UPK3A: variants seen among roughly 807,000 people sequenced by gnomAD.
The protein encoded by UPK3A is uroplakin 3A.
A neutral mutation model predicts 27.6 loss-of-function variants in UPK3A; 32 were observed. The observed-to-expected ratio is 1.16, with a 90% CI of 0.87 to 1.55. The LOEUF (loss-of-function observed/expected upper bound fraction) is 1.55. Ranked by LOEUF, UPK3A falls within the 40% of genes most tolerant of loss-of-function variation. UPK3A has a pLI of 0.00. For missense variants in UPK3A, 370 were observed against 367.9 expected (o/e 1.01, Z -0.05); for synonymous variants, 171 against 163.9 (o/e 1.04, Z -0.33).
chr22:45,290,108 G>A (rs961252680), intron 4 of UPK3A, among the ~76,000 whole-genome samples: 8 of 152,218 alleles, frequency 5.3e-5, no homozygotes, highest in African/African-American at 1.7e-4. Context: ...GCACCTGGGC[G>A]GCTTTCCTGA....
chr22:45,294,130 A>C (rs1469046182), intron 5 of UPK3A, among the ~76,000 whole-genome samples: 3 of 152,088 alleles, frequency 2.0e-5, no homozygotes, highest in Non-Finnish European at 2.9e-5. Flanking sequence ...AGTGTGAGCA[A>C]ACTCTCATCA....
At position 45,295,557 on chromosome 22, in the gene UPK3A, C is replaced by T; in HGVS notation, c.705-3C>T. The T allele has an allele frequency of 6.2e-7, 1 of 1,614,094 alleles. No individual in the cohort carries two copies. The highest frequency in any genetic ancestry group is 8.5e-7 in the Non-Finnish European group (1 of 1,180,030). ...TCCTGGGTCTTTCCATCCCCTTGGA[C>T]AGGGACATGGGGAGTTCTGATGGGG... On this transcript the variant is annotated splice_region_variant and splice_polypyrimidine_tract_variant and intron_variant, in intron 5 of 5. Transcript: ENST00000216211.
Position 45,295,827 on chromosome 22 carries a change from C to A in UPK3A, c.*108C>A. On this transcript the variant is annotated 3_prime_UTR_variant, in exon 6 of 6. Transcript: ENST00000216211. ...TCAGGGAAGGTGAAACAGGGCTTGT[C>A]CCTCCAACTGCAGGAAAACCCTTAA... The A allele has an allele frequency of 2.3e-6, 3 of 1,330,994 alleles. No individual in the cohort carries two copies. The highest frequency in any genetic ancestry group is 3.2e-6 in the Non-Finnish European group (3 of 946,430). 82.4% of individuals were successfully genotyped at this position (1,330,994 alleles called of 1,614,324 possible).
intron 1 of UPK3A, 78 bp from the exon 2 acceptor site, chr22:45,285,863 C>T (rs374976656): frequency 1.1e-5 from 18 of 1,599,432 alleles, no homozygotes; most frequent in African/African-American, 1.1e-4. Context: ...GCACACAACA[C>T]GTGCTCAGTA....
At chr22:45,289,810 G>C (rs967404463) in intron 4 of UPK3A, among the ~76,000 whole-genome samples, 1 of 151,622 alleles carries the variant, frequency 6.6e-6, no homozygotes, top group Non-Finnish European at 1.5e-5. Context: ...TTCCATCCTT[G>C]AGGGCCAGGT....
At position 45,285,960 on chromosome 22, in the gene UPK3A, A is replaced by C. The variant is rs190627464; in HGVS notation, c.72A>C (p.Gln24His). The change falls in exon 2 of 6, where the codon CAA (glutamine) becomes CAC (histidine). Residue 24 changes from glutamine to histidine, a missense_variant. Coordinates refer to ENST00000216211, the MANE Select transcript of UPK3A (RefSeq NM_006953.4). ...RFGSAVNLQPQLASVTFATNN... is the reference protein window; with the variant it reads ...RFGSAVNLQPHLASVTFATNN... ...CTCCAGCTGTGAACCTGCAGCCCCAACTGGCCAGTGTGACTTTCGCCACCA... is the reference window on the plus strand; with the variant it reads ...CTCCAGCTGTGAACCTGCAGCCCCACCTGGCCAGTGTGACTTTCGCCACCA... 1 of 1,614,054 alleles carries C rather than the reference A, an allele frequency of 6.2e-7. No homozygotes were observed. Among genetic ancestry groups the C allele is most frequent in the Non-Finnish European group, 8.5e-7 (1 of 1,179,986 alleles).
chr22:45,289,588 A>AAAG (rs1316003426), intron 4 of UPK3A, among the ~76,000 whole-genome samples: 4 of 151,124 alleles, frequency 2.6e-5, no homozygotes, highest in Non-Finnish European at 4.4e-5. Context: ...AAAAAAAAAA[A>AAAG]AAAAAGAAAA....
chr22:45,286,141 C>G, intron 2 of UPK3A, 45 bp downstream of exon 2: 1 of 1,612,188 alleles, frequency 6.2e-7, no homozygotes, highest in Non-Finnish European at 8.5e-7. Flanking sequence ...GGGGCTCTGA[C>G]CTGTCTGCAG....
intron 5 of UPK3A, 35 bp from the exon 6 acceptor site, chr22:45,295,525 C>A: frequency 1.2e-6 from 2 of 1,613,812 alleles, no homozygotes; most frequent in Non-Finnish European, 1.7e-6. Context: ...TTGCTCTGGT[C>A]CCCTAATCCT....
intron 4 of UPK3A, 98 bp from the exon 5 acceptor site, chr22:45,293,083 C>A (rs2084172161): frequency 1.9e-6 from 3 of 1,560,324 alleles, no homozygotes; most frequent in Admixed American, 1.8e-5. Context: ...ATCCCTGGAT[C>A]CCCGGCAGCC....
chr22:45,290,836 C>T (rs923755453), intron 4 of UPK3A, among the ~76,000 whole-genome samples: 15 of 152,236 alleles, frequency 9.9e-5, no homozygotes, highest in African/African-American at 2.2e-4. Context: ...CACGGGAGCG[C>T]GAACCCTGTT....
In UPK3A at chr22:45,285,083, G is replaced by A; in HGVS notation, c.52+18G>A. 2 of 1,534,560 alleles carry A rather than the reference G, an allele frequency of 1.3e-6. No individual in the cohort carries two copies. The highest frequency in any genetic ancestry group is 1.7e-6 in the Non-Finnish European group (2 of 1,146,778). On this transcript the variant is annotated intron_variant, in intron 1 of 5. Transcript: ENST00000216211. Reference sequence around the variant, plus strand: ...CGGCTCGGGTAGGCGGTGAAGGGCAGGAGGGGGCTGAGCCCAGAAAGAGCG... The same window carrying A: ...CGGCTCGGGTAGGCGGTGAAGGGCAAGAGGGGGCTGAGCCCAGAAAGAGCG...
At chr22:45,291,557 AGT>A (rs1401393043) in intron 4 of UPK3A, among the ~76,000 whole-genome samples, 1 of 141,934 alleles carries the variant, frequency 7.0e-6, no homozygotes, top group African/African-American at 2.7e-5. Context: ...AGAGTGTGGC[AGT>A]GTGTGTGCGT....
intron 4 of UPK3A, among the ~76,000 whole-genome samples, chr22:45,289,577 CAAAA>C (rs77091115): frequency 1.2e-5 from 1 of 80,196 alleles, no homozygotes; most frequent in African/African-American, 4.9e-5. Context: ...GACTCCGTCT[CAAAA>C]AAAAAAAAAA....
chr22:45,288,235 G>A (rs2084133506), intron 3 of UPK3A, among the ~76,000 whole-genome samples: 1 of 150,814 alleles, frequency 6.6e-6, no homozygotes, highest in Admixed American at 6.6e-5. Flanking sequence ...CGCTCTTGTT[G>A]CCCAAGGTGG....
chr22:45,291,792 C>T (rs1367087188), intron 4 of UPK3A, among the ~76,000 whole-genome samples: 1 of 129,792 alleles, frequency 7.7e-6, no homozygotes, highest in Non-Finnish European at 1.6e-5. Flanking sequence ...GAGAGTGTGG[C>T]AATGTGTGTG....
intron 4 of UPK3A, among the ~76,000 whole-genome samples, chr22:45,291,843 CTG>C (rs1418224057): frequency 7.4e-6 from 1 of 135,482 alleles, no homozygotes; most frequent in Non-Finnish European, 1.6e-5. Context: ...CTGAGTGTGA[CTG>C]TGTATGTGAG....
At chr22:45,285,835 G>A in intron 1 of UPK3A, 106 bp from the exon 2 acceptor site, 1 of 1,512,288 alleles carries the variant, frequency 6.6e-7, no homozygotes, top group Non-Finnish European at 9.0e-7. Flanking sequence ...CCAGGGGGAG[G>A]GTGAAGCCCA....
rs1457726580 is a variant in UPK3A at position 45,291,824 on chromosome 22, G to C, written c.572-1357G>C. Among the ~76,000 whole-genome samples the C allele has an allele frequency of 2.6e-5, 4 of 151,156 alleles. 1 individual carries two copies. The East Asian group carries it at 7.8e-4, about 29-fold the overall frequency. On this transcript the variant is annotated intron_variant, in intron 4 of 5. Transcript: ENST00000216211. Reference sequence around the variant, plus strand: ...TGTGTGTGTAAGAGTTTGAGTTGGTGTGTGGTGTCTGAGTGTGACTGTGTA... The same window carrying C: ...TGTGTGTGTAAGAGTTTGAGTTGGTCTGTGGTGTCTGAGTGTGACTGTGTA...
Sources: allele counts gnomAD v4.1 joint callset (sites outside exome capture counted in the v4.1 genomes callset), GRCh38; gene constraint gnomAD v4.1.1; transcripts MANE v1.5; gene names NCBI Gene and HGNC (gene_info 2026-07-23, HGNC 2026-07-21).